FNBP1L: variants seen among roughly 807,000 people sequenced by gnomAD.
FNBP1L encodes formin-binding protein 1-like.
Under a neutral mutation model 91.2 loss-of-function variants are expected in FNBP1L, and 36 were observed. The ratio of observed to expected loss-of-function variants is 0.39; its 90% CI spans 0.30 to 0.52. The LOEUF is 0.52. Among genes scored for constraint, FNBP1L ranks in the 20% least tolerant of loss-of-function variants. FNBP1L has a pLI of 0.66. For missense variants in FNBP1L, 571 were observed against 732.1 expected, an observed-to-expected ratio of 0.78 and a Z score of 2.54; for synonymous variants, 242 against 237.0, an observed-to-expected ratio of 1.02 and a Z score of -0.19.
chr1:93,448,144 A>C lies in FNBP1L; in HGVS notation c.-138A>C. The C allele has an allele frequency of 9.2e-7, 1 of 1,086,256 alleles. No individual in the cohort carries two copies. The highest frequency in any genetic ancestry group is 1.3e-6 in the Non-Finnish European group (1 of 768,722). The allele number at this position is 1,086,256 out of a possible 1,614,324, so 67.3% of individuals were successfully genotyped here. ...GTCGCGTCTTTCTCACTCACTGGGG[A>C]GCCCGGCGGTGGCGGCACCTTTCGA... On this transcript the variant is annotated 5_prime_UTR_variant, in exon 1 of 17. Coordinates refer to ENST00000271234, the MANE Select transcript of FNBP1L (RefSeq NM_001164473.3).
chr1:93,540,369 A>G (rs768866018), intron 10 of FNBP1L, among the ~76,000 whole-genome samples: 4 of 152,170 alleles, frequency 2.6e-5, no homozygotes, highest in Non-Finnish European at 5.9e-5. Flanking sequence ...AAAACCTGAA[A>G]AATGGAAGCT....
intron 11 of FNBP1L, among the ~76,000 whole-genome samples, chr1:93,543,200 T>G (rs1461968014): frequency 1.3e-5 from 2 of 152,218 alleles, no homozygotes; most frequent in Admixed American, 6.5e-5. Flanking sequence ...ATTAAATAGA[T>G]TCAATAGCGG....
At chr1:93,476,512 T>A (rs897988047) in intron 1 of FNBP1L, among the ~76,000 whole-genome samples, 1 of 152,220 alleles carries the variant, frequency 6.6e-6, no homozygotes, top group African/African-American at 2.4e-5. Flanking sequence ...AATATCCTTA[T>A]GTTTTTGGTA....
intron 2 of FNBP1L, among the ~76,000 whole-genome samples, chr1:93,518,537 G>C (rs1671208900): frequency 6.6e-6 from 1 of 152,100 alleles, no homozygotes; most frequent in South Asian, 2.1e-4. Flanking sequence ...CAAATTTTTG[G>C]CTTAAATGTC....
chr1:93,476,885 AT>A (rs1669516763), intron 1 of FNBP1L, among the ~76,000 whole-genome samples: 1 of 152,030 alleles, frequency 6.6e-6, no homozygotes, highest in Non-Finnish European at 1.5e-5. Flanking sequence ...CACTTACCAT[AT>A]TAGTTCGTTT....
chr1:93,498,000 A>G (rs1181320245), intron 1 of FNBP1L, among the ~76,000 whole-genome samples: 2 of 152,016 alleles, frequency 1.3e-5, no homozygotes, highest in Admixed American at 1.3e-4. Flanking sequence ...AATAATGTTC[A>G]TTTCATTTTC....
intron 2 of FNBP1L, among the ~76,000 whole-genome samples, chr1:93,507,979 G>A (rs1199164804): frequency 1.3e-5 from 2 of 150,034 alleles, no homozygotes; most frequent in South Asian, 2.1e-4. Context: ...AATTATGAAA[G>A]CATTATATGA....
intron 1 of FNBP1L, among the ~76,000 whole-genome samples, chr1:93,473,913 C>G (rs746188048): frequency 1.3e-5 from 2 of 152,020 alleles, no homozygotes; most frequent in Admixed American, 1.3e-4. Context: ...GGCTGCGTGA[C>G]GGGATCTATG....
chr1:93,514,673 TTCC>T (rs1410584674), intron 2 of FNBP1L, among the ~76,000 whole-genome samples: 2 of 152,120 alleles, frequency 1.3e-5, no homozygotes, highest in African/African-American at 4.8e-5. Flanking sequence ...GGGGAAAGGA[TTCC>T]CTATTTAATA....
intron 1 of FNBP1L, among the ~76,000 whole-genome samples, chr1:93,482,884 C>G (rs911597957): frequency 4.0e-5 from 6 of 151,470 alleles, no homozygotes; most frequent in African/African-American, 1.5e-4. Flanking sequence ...CAGGCGTGGT[C>G]GCGGGCGCCT....
At chr1:93,513,768 T>G (rs371782830) in intron 2 of FNBP1L, among the ~76,000 whole-genome samples, 1 of 152,120 alleles carries the variant, frequency 6.6e-6, no homozygotes, top group Non-Finnish European at 1.5e-5. Flanking sequence ...TGGGACGTAT[T>G]TCAAAATAAT....
intron 8 of FNBP1L, among the ~76,000 whole-genome samples, chr1:93,533,930 G>A (rs946258123): frequency 1.3e-5 from 2 of 152,096 alleles, no homozygotes; most frequent in Non-Finnish European, 2.9e-5. Flanking sequence ...CTAAATGAAG[G>A]GCAAAATGTA....
At position 93,483,857 on chromosome 1, in the gene FNBP1L, A is replaced by G. The variant is rs377249019; in HGVS notation, c.25-15611A>G. Among the ~76,000 whole-genome samples the G allele has an allele frequency of 2.3e-4, 35 of 152,356 alleles. 3 individuals are homozygous for G. The East Asian group carries it at 2.5e-3, about 11-fold the overall frequency. ...TTAAGTGAACTGATTTAAAGCATCA[A>G]CACAAGGGAACAAAGCTAATTAAGT... On this transcript the variant is annotated intron_variant, in intron 1 of 16. Coordinates refer to ENST00000271234, the MANE Select transcript of FNBP1L (RefSeq NM_001164473.3).
intron 1 of FNBP1L, among the ~76,000 whole-genome samples, chr1:93,479,538 A>T (rs1322588590): frequency 6.6e-6 from 1 of 152,080 alleles, no homozygotes. Flanking sequence ...TTCAGTCCTT[A>T]TCTCAACCAC....
intron 2 of FNBP1L, among the ~76,000 whole-genome samples, chr1:93,511,668 A>C (rs1441451742): frequency 2.6e-5 from 4 of 152,220 alleles, no homozygotes; most frequent in Admixed American, 2.6e-4. Context: ...GGCAAATTGG[A>C]TAAAGAGTCA....
intron 2 of FNBP1L, among the ~76,000 whole-genome samples, chr1:93,505,869 G>A (rs1272380684): frequency 6.6e-6 from 1 of 152,108 alleles, no homozygotes; most frequent in East Asian, 1.9e-4. Context: ...AGTAGAGACG[G>A]GGTTTTACCA....
chr1:93,500,593 G>A (rs1261452078), intron 2 of FNBP1L, among the ~76,000 whole-genome samples: 1 of 152,114 alleles, frequency 6.6e-6, no homozygotes, highest in Non-Finnish European at 1.5e-5. Context: ...TACTGACTTT[G>A]GTTAGGTTAT....
At chr1:93,471,414 AG>A (rs1182351426) in intron 1 of FNBP1L, among the ~76,000 whole-genome samples, 22 of 152,326 alleles carry the variant, frequency 1.4e-4, no homozygotes, top group South Asian at 6.2e-4. Flanking sequence ...ATTCTTATCC[AG>A]GCACTGTAGC....
At chr1:93,503,209 T>C (rs532121244) in intron 2 of FNBP1L, among the ~76,000 whole-genome samples, 2 of 152,252 alleles carry the variant, frequency 1.3e-5, no homozygotes, top group African/African-American at 4.8e-5. Flanking sequence ...AGTAAACTTA[T>C]AATCATGGTG....
Sources: allele counts gnomAD v4.1 joint callset (sites outside exome capture counted in the v4.1 genomes callset), GRCh38; gene constraint gnomAD v4.1.1; transcripts MANE v1.5; gene names NCBI Gene and HGNC (gene_info 2026-07-23, HGNC 2026-07-21).